Variants in ARHGAP22 observed in about 807,000 individuals in gnomAD.
ARHGAP22 encodes rho GTPase-activating protein 22.
In ARHGAP22, 48 loss-of-function variants were observed where a neutral mutation model predicts 59.1. The ratio of observed to expected loss-of-function variants is 0.81; its 90% CI spans 0.64 to 1.03. ARHGAP22 has a LOEUF of 1.03. Ranked by LOEUF, ARHGAP22 falls within the 50% of genes least tolerant of loss-of-function variation. The pLI is 0.00. For missense variants in ARHGAP22, 1,015 were observed against 958.7 expected, an observed-to-expected ratio of 1.06 and a Z score of -0.78; for synonymous variants, 445 against 416.4, an observed-to-expected ratio of 1.07 and a Z score of -0.84.
chr10:48,454,745 C>T (rs975390340), intron 6 of ARHGAP22, among the ~76,000 whole-genome samples: 1 of 152,168 alleles, frequency 6.6e-6, no homozygotes, highest in Non-Finnish European at 1.5e-5. Context: ...ACCCACCCCT[C>T]CCAGGGACCA....
At chr10:48,571,715 G>A (rs1175121266) in intron 2 of ARHGAP22, among the ~76,000 whole-genome samples, 1 of 152,214 alleles carries the variant, frequency 6.6e-6, no homozygotes, top group East Asian at 1.9e-4. Context: ...GGGATCAGTG[G>A]ATGTTTCTTC....
the ARHGAP22 span, chr10:48,435,158 AAGT>A: frequency 1.0e-5 from 7 of 690,210 alleles, no homozygotes; most frequent in East Asian, 2.9e-5. Flanking sequence ...TTTTGTAGTA[AAGT>A]AGTTTATTTT....
At chr10:48,646,098 C>T (rs926590454) in intron 1 of ARHGAP22, among the ~76,000 whole-genome samples, 1 of 152,090 alleles carries the variant, frequency 6.6e-6, no homozygotes, top group African/African-American at 2.4e-5. Flanking sequence ...ACACCATTCA[C>T]AATAATATCA....
At chr10:48,540,781 T>G (rs2055857718) in intron 3 of ARHGAP22, among the ~76,000 whole-genome samples, 1 of 152,092 alleles carries the variant, frequency 6.6e-6, no homozygotes, top group South Asian at 2.1e-4. Context: ...TTTCTGCTTT[T>G]GGATGATTGC....
intron 3 of ARHGAP22, among the ~76,000 whole-genome samples, chr10:48,504,609 G>A (rs1185042930): frequency 6.6e-6 from 1 of 152,220 alleles, no homozygotes; most frequent in Admixed American, 6.5e-5. Flanking sequence ...GGATGAGCAG[G>A]GGAGGCGGTT....
At chr10:48,519,624 C>A (rs1047744894) in intron 3 of ARHGAP22, among the ~76,000 whole-genome samples, 2 of 152,238 alleles carry the variant, frequency 1.3e-5, no homozygotes, top group Non-Finnish European at 2.9e-5. Context: ...TGATCCCCAG[C>A]GGCAGACCCA....
chr10:48,582,982 A>G lies in ARHGAP22; in HGVS notation c.205T>C (p.Tyr69His), dbSNP rs2059209366. 1.9e-6 allele frequency: 3 copies of G among 1,614,088 alleles called. No homozygotes were observed. Among genetic ancestry groups the G allele is most frequent in the African/African-American group, 1.3e-5 (1 of 74,932 alleles). Reference sequence around the variant, plus strand: ...GGCTTGATCTCATCTTTGTCCTTGTAGTAGAAAAGCTGATCCCCACGCAGC... The same window carrying G: ...GGCTTGATCTCATCTTTGTCCTTGTGGTAGAAAAGCTGATCCCCACGCAGC... Reference protein sequence around the residue: ...FVLRGDQLFYYKDKDEIKPQG... With the variant: ...FVLRGDQLFYHKDKDEIKPQG... The change falls in exon 2 of 10, where the codon TAC (tyrosine) becomes CAC (histidine). Residue 69 changes from tyrosine (Y) to histidine (H), a missense_variant. Physicochemically the swap from Tyr to His is moderately conservative, Grantham distance 83 (BLOSUM62 2). Coordinates refer to ENST00000249601, the MANE Select transcript of ARHGAP22 (RefSeq NM_021226.4).
intron 4 of ARHGAP22, among the ~76,000 whole-genome samples, 189 bp from the exon 5 acceptor site, chr10:48,460,080 A>T (rs2046990913): frequency 6.6e-6 from 1 of 152,188 alleles, no homozygotes; most frequent in South Asian, 2.1e-4. Context: ...GAGGATGCAC[A>T]CCAGGAGGCT....
At chr10:48,645,065 A>T (rs1023467078) in intron 1 of ARHGAP22, among the ~76,000 whole-genome samples, 1 of 152,194 alleles carries the variant, frequency 6.6e-6, no homozygotes, top group Non-Finnish European at 1.5e-5. Context: ...GTAATGAAAA[A>T]GGGGACATAA....
chr10:48,455,279 C>T (rs751661272), intron 5 of ARHGAP22, 145 bp from the exon 6 acceptor site: 117 of 1,013,902 alleles, frequency 1.2e-4, no homozygotes, highest in Non-Finnish European at 1.2e-4. Flanking sequence ...GGCCAGCTGC[C>T]CTGGTCAAGG....
chr10:48,445,998 T>C (rs2045323722), downstream of ARHGAP22: 1 of 269,376 alleles, frequency 3.7e-6, no homozygotes, highest in Non-Finnish European at 7.0e-6. Flanking sequence ...TGTCCTGTAT[T>C]GCGAGGCATG....
At chr10:48,543,642 C>T (rs952777582) in intron 3 of ARHGAP22, among the ~76,000 whole-genome samples, 16 of 152,194 alleles carry the variant, frequency 1.1e-4, no homozygotes, top group African/African-American at 3.4e-4. Context: ...CCTTGACTCA[C>T]TCCAGGCCTC....
intron 9 of ARHGAP22, among the ~76,000 whole-genome samples, chr10:48,449,366 G>T (rs1208195593): frequency 1.3e-5 from 2 of 152,122 alleles, no homozygotes; most frequent in Non-Finnish European, 2.9e-5. Context: ...TGCAGACATG[G>T]TGCCTGTACA....
At chr10:48,433,490 C>CT in the ARHGAP22 span, among the ~76,000 whole-genome samples, 4 of 152,140 alleles carry the variant, frequency 2.6e-5, no homozygotes, top group South Asian at 6.2e-4. Flanking sequence ...GAATTTCACT[C>CT]TGACTGGGAA....
chr10:48,469,026 G>A (rs1364515770), intron 4 of ARHGAP22, among the ~76,000 whole-genome samples: 2 of 152,190 alleles, frequency 1.3e-5, no homozygotes, highest in Non-Finnish European at 2.9e-5. Flanking sequence ...CAAGGGCTCA[G>A]CAGAAGCTCT....
At chr10:48,623,260 C>T (rs1050734088) in intron 1 of ARHGAP22, among the ~76,000 whole-genome samples, 6 of 152,250 alleles carry the variant, frequency 3.9e-5, no homozygotes, top group African/African-American at 1.4e-4. Context: ...GCCCACTGTT[C>T]TCTGCTGCCC....
chr10:48,489,237 C>T lies in ARHGAP22; in HGVS notation c.323-9473G>A, dbSNP rs7922545. On this transcript the variant is annotated intron_variant, in intron 3 of 9. Coordinates refer to ENST00000249601, the MANE Select transcript of ARHGAP22 (RefSeq NM_021226.4). ...AACACCCTGCAAGGTGCTTAATAGG[C>T]CCAGTCCCAGGCAGTCTTCATAGAC... Among the ~76,000 whole-genome samples the T allele has an allele frequency of 5.6e-3, 852 of 152,188 alleles. 10 individuals are homozygous for T. Among genetic ancestry groups the T allele is most frequent in the African/African-American group, 0.019 (808 of 41,498 alleles).
chr10:48,453,246 C>CCAAG, intron 8 of ARHGAP22, 58 bp downstream of exon 8: 1 of 1,607,316 alleles, frequency 6.2e-7, no homozygotes, highest in Non-Finnish European at 8.5e-7. Context: ...TTGCCGTGGA[C>CCAAG]CAAGATGAGC....
chr10:48,553,380 C>T (rs2057054784), intron 3 of ARHGAP22, among the ~76,000 whole-genome samples: 1 of 152,220 alleles, frequency 6.6e-6, no homozygotes, highest in Non-Finnish European at 1.5e-5. Context: ...AGTTCAGGAA[C>T]TTTCCTTCCC....
Sources: allele counts gnomAD v4.1 joint callset (sites outside exome capture counted in the v4.1 genomes callset), GRCh38; gene constraint gnomAD v4.1.1; transcripts MANE v1.5; gene names NCBI Gene and HGNC (gene_info 2026-07-23, HGNC 2026-07-21).